Variants in DLG1 observed in about 807,000 individuals in gnomAD.
The protein encoded by DLG1 is disks large homolog 1.
A neutral mutation model predicts 123.4 loss-of-function variants in DLG1; 42 were observed. The ratio of observed to expected loss-of-function variants is 0.34; its 90% CI spans 0.27 to 0.44. DLG1 has a LOEUF of 0.44. DLG1 is among the 20% of genes least tolerant of loss of function. The pLI is 1.00. For missense variants in DLG1, 942 were observed against 1,082.6 expected, an observed-to-expected ratio of 0.87 and a Z score of 1.82; for synonymous variants, 317 against 356.2, an observed-to-expected ratio of 0.89 and a Z score of 1.24.
In DLG1 at chr3:197,180,325, A is replaced by C. The variant is rs142315819; in HGVS notation, c.483+14100T>G. ...CTATAAAACCCTGCTGAATATAAAAACTGGTCCCAGATTGGAACAGGACTG... is the reference window on the plus strand; with the variant it reads ...CTATAAAACCCTGCTGAATATAAAACCTGGTCCCAGATTGGAACAGGACTG... On this transcript the variant is annotated intron_variant, in intron 5 of 24. Coordinates refer to ENST00000667157, the MANE Select transcript of DLG1 (RefSeq NM_001366207.1). Among the ~76,000 whole-genome samples, 612 of 152,276 alleles carry C rather than the reference A, an allele frequency of 4.0e-3. 5 individuals are homozygous for C. The highest frequency in any genetic ancestry group is 0.013 in the African/African-American group (560 of 41,558).
chr3:197,141,426 A>G (rs1396312484), intron 7 of DLG1, among the ~76,000 whole-genome samples: 1 of 152,252 alleles, frequency 6.6e-6, no homozygotes. Context: ...AAGTATGTAC[A>G]GTACATTAAT....
At chr3:197,195,943 A>G (rs914656425) in intron 4 of DLG1, among the ~76,000 whole-genome samples, 2 of 151,108 alleles carry the variant, frequency 1.3e-5, no homozygotes, top group Non-Finnish European at 3.0e-5. Context: ...TAGTGAGAGA[A>G]AAAAAAAATA....
At chr3:197,177,460 T>C (rs1807732689) in intron 5 of DLG1, among the ~76,000 whole-genome samples, 1 of 152,114 alleles carries the variant, frequency 6.6e-6, no homozygotes, top group Non-Finnish European at 1.5e-5. Context: ...TCCTTGGAGA[T>C]GAAGAAAAAA....
At chr3:197,101,333 A>G (rs1005891586) in intron 14 of DLG1, among the ~76,000 whole-genome samples, 3 of 152,050 alleles carry the variant, frequency 2.0e-5, no homozygotes, top group Non-Finnish European at 4.4e-5. Flanking sequence ...TAAACATAAC[A>G]TGGTTCGTAT....
intron 4 of DLG1, among the ~76,000 whole-genome samples, chr3:197,222,670 T>C (rs1578274503): frequency 6.6e-6 from 1 of 152,186 alleles, no homozygotes; most frequent in African/African-American, 2.4e-5. Flanking sequence ...GTGGGAACAG[T>C]ACCTTTTCCA....
intron 15 of DLG1, among the ~76,000 whole-genome samples, chr3:197,088,161 CTT>C (rs1755533547): frequency 6.6e-6 from 1 of 152,098 alleles, no homozygotes; most frequent in South Asian, 2.1e-4. Context: ...AATCCATTAT[CTT>C]CATTTCTCTA....
At chr3:197,093,676 C>T (rs570449866) in intron 14 of DLG1, among the ~76,000 whole-genome samples, 172 of 152,092 alleles carry the variant, frequency 1.1e-3, no homozygotes, top group African/African-American at 3.3e-3. Flanking sequence ...ATTAGCAAGC[C>T]TGAAAATTGT....
At chr3:197,280,337 TTGTGTGTGTGTG>T (rs10575004) in intron 4 of DLG1, among the ~76,000 whole-genome samples, 5 of 150,026 alleles carry the variant, frequency 3.3e-5, no homozygotes, top group Admixed American at 3.3e-4. Context: ...GTAGTCCATT[TTGTGTGTGTGTG>T]TGTGTGTGTG....
chr3:197,261,498 A>G (rs1417671294), intron 4 of DLG1, among the ~76,000 whole-genome samples: 3 of 152,222 alleles, frequency 2.0e-5, no homozygotes, highest in Non-Finnish European at 4.4e-5. Context: ...ATAATAAGGA[A>G]GAGTATTATC....
At chr3:197,274,457 A>T (rs1765412609) in intron 4 of DLG1, among the ~76,000 whole-genome samples, 1 of 152,222 alleles carries the variant, frequency 6.6e-6, no homozygotes, top group African/African-American at 2.4e-5. Flanking sequence ...AAATCAAAAT[A>T]GATTAAAGAC....
At chr3:197,106,779 T>C (rs12632536) in intron 13 of DLG1, among the ~76,000 whole-genome samples, 42,899 of 152,086 alleles carry the variant, frequency 0.28, 7,352 homozygotes, top group East Asian at 0.72. Flanking sequence ...AAGGATATTT[T>C]AGAAGAAATT....
At chr3:197,246,011 T>C (rs1314856486) in intron 4 of DLG1, among the ~76,000 whole-genome samples, 2 of 152,074 alleles carry the variant, frequency 1.3e-5, no homozygotes, top group East Asian at 3.9e-4. Context: ...TCCAAATTTT[T>C]CTAAAGGTAT....
At chr3:197,213,232 T>G (rs1290933211) in intron 4 of DLG1, among the ~76,000 whole-genome samples, 1 of 152,144 alleles carries the variant, frequency 6.6e-6, no homozygotes, top group Non-Finnish European at 1.5e-5. Flanking sequence ...ACCTCTTCAA[T>G]AAGAAGAAAA....
chr3:197,175,829 T>C (rs1240410782), intron 5 of DLG1, among the ~76,000 whole-genome samples: 1 of 152,192 alleles, frequency 6.6e-6, no homozygotes, highest in African/African-American at 2.4e-5. Context: ...AGTACAATTC[T>C]CATGCAAACA....
intron 11 of DLG1, 95 bp from the exon 12 acceptor site, chr3:197,119,625 CT>C (rs1775170234): frequency 4.4e-6 from 5 of 1,142,264 alleles, no homozygotes; most frequent in Non-Finnish European, 5.8e-6. Context: ...ATATGCACTC[CT>C]TTATATATCA....
In DLG1 at chr3:197,209,837, T is replaced by C; in HGVS notation, c.319-15248A>G. Among the ~76,000 whole-genome samples, 2 of 146,688 alleles carry C rather than the reference T, an allele frequency of 1.4e-5. 1 individual carries two copies. Among genetic ancestry groups the C allele is most frequent in the Non-Finnish European group, 3.1e-5 (2 of 65,224 alleles). Reference sequence around the variant, plus strand: ...AATGAAGCTAAATAGGACTATGTAGTAAAGAATTTAACCTTGCTTTTAGCT... The same window carrying C: ...AATGAAGCTAAATAGGACTATGTAGCAAAGAATTTAACCTTGCTTTTAGCT... On this transcript the variant is annotated intron_variant, in intron 4 of 24. Coordinates refer to ENST00000667157, the MANE Select transcript of DLG1 (RefSeq NM_001366207.1).
intron 4 of DLG1, among the ~76,000 whole-genome samples, chr3:197,213,319 T>C (rs966777644): frequency 6.6e-6 from 1 of 152,206 alleles, no homozygotes; most frequent in Non-Finnish European, 1.5e-5. Flanking sequence ...TAAAGAGTCT[T>C]ACTGTATGAA....
At chr3:197,280,447 A>C (rs569188634) in intron 4 of DLG1, among the ~76,000 whole-genome samples, 1 of 152,110 alleles carries the variant, frequency 6.6e-6, no homozygotes, top group Non-Finnish European at 1.5e-5. Flanking sequence ...GTGCTGCAAT[A>C]AACATGGGGG....
At chr3:197,244,694 C>G (rs1450986103) in intron 4 of DLG1, among the ~76,000 whole-genome samples, 1 of 150,288 alleles carries the variant, frequency 6.7e-6, no homozygotes, top group African/African-American at 2.5e-5. Context: ...TATGATGGGT[C>G]TGCATTTTTT....
Sources: gnomAD v4.1 joint callset for allele counts (sites outside exome capture counted in the v4.1 genomes callset) on GRCh38, gnomAD v4.1.1 for gene constraint, MANE v1.5 for transcripts, NCBI Gene and HGNC (gene_info 2026-07-23, HGNC 2026-07-21) for gene names.